TASOR2: variants seen among roughly 807,000 people sequenced by gnomAD.
TASOR2 encodes the protein protein TASOR 2.
A neutral mutation model predicts 199.5 loss-of-function variants in TASOR2; 84 were observed. The observed-to-expected ratio is 0.42, with a 90% CI of 0.35 to 0.50. The LOEUF is 0.50. Ranked by LOEUF, TASOR2 falls within the 20% of genes least tolerant of loss-of-function variation. The pLI is 0.02. For synonymous variants in TASOR2, 1,103 were observed against 1,046.6 expected (o/e 1.05, Z -1.04); for missense variants, 2,796 against 2,835.9 (o/e 0.99, Z 0.32).
intron 3 of TASOR2, among the ~76,000 whole-genome samples, chr10:5,718,881 A>G (rs911574882): frequency 3.3e-5 from 5 of 152,090 alleles, no homozygotes; most frequent in African/African-American, 1.2e-4. Flanking sequence ...TATGCCTACT[A>G]ATGCAGATAA....
chr10:5,747,840 G>A (rs1837432076), exon 15 of TASOR2: 2 of 1,613,718 alleles, frequency 1.2e-6, no homozygotes, highest in South Asian at 2.2e-5. Context: ...TACAACAAAT[G>A]CAGGTCTCTG....
exon 13 of TASOR2, chr10:5,739,744 C>T: frequency 6.2e-7 from 1 of 1,614,156 alleles, no homozygotes; most frequent in South Asian, 1.1e-5. Context: ...CCTGAAAACT[C>T]CATCGTCAAC....
chr10:5,714,729 G>A (rs1832392484), intron 2 of TASOR2, among the ~76,000 whole-genome samples: 1 of 152,220 alleles, frequency 6.6e-6, no homozygotes, highest in South Asian at 2.1e-4. Context: ...GAGTTGTTGA[G>A]AGGATTCAGT....
In TASOR2 at chr10:5,738,363, C is replaced by T. The variant is rs1006176984; in HGVS notation, c.1448-1255C>T. Reference sequence around the variant, plus strand: ...ACAGTATCTTTTATATTAGGCCTTACTGGTAAGTAATATTTTGTGTAAGGG... The same window carrying T: ...ACAGTATCTTTTATATTAGGCCTTATTGGTAAGTAATATTTTGTGTAAGGG... On this transcript the variant is annotated intron_variant, in intron 12 of 20. Transcript: ENST00000328090. The surrounding 1 kb of genome is among the most constrained non-coding windows in gnomAD (Gnocchi z 4.7). Among the ~76,000 whole-genome samples, 15 of 151,990 alleles carry T rather than the reference C, an allele frequency of 9.9e-5. No individual in the cohort carries two copies. Among genetic ancestry groups the T allele is most frequent in the African/African-American group, 2.7e-4 (11 of 41,356 alleles).
intron 9 of TASOR2, 42 bp downstream of exon 10, chr10:5,726,999 T>A: frequency 6.2e-7 from 1 of 1,613,298 alleles, no homozygotes; most frequent in East Asian, 2.2e-5. Flanking sequence ...TTCATTATGT[T>A]TACTTTTGCT....
rs780015314 is a variant in TASOR2 at position 5,751,731 on chromosome 10, G to A, written c.6606+1704G>A. Among the ~76,000 whole-genome samples the A allele has an allele frequency of 2.0e-5, 3 of 152,222 alleles. No homozygotes were observed. The highest frequency in any genetic ancestry group is 4.8e-5 in the African/African-American group (2 of 41,454). On this transcript the variant is annotated intron_variant, in intron 15 of 20. Transcript: ENST00000328090. This position sits in a 1 kb window ranked among gnomAD's most constrained non-coding sequence, Gnocchi z 5.3. ...TTTAGAACCACCATCTAGGCACTGC[G>A]TGAATGAACTCAGTGTCACTTGGTG...
At chr10:5,739,472 C>A (rs1209653218) in intron 12 of TASOR2, 146 bp from the exon 14 acceptor site, 1 of 723,144 alleles carries the variant, frequency 1.4e-6, no homozygotes, top group Non-Finnish European at 2.2e-6. Context: ...TTGGAAGAGA[C>A]CTTAATCTAA....
At chr10:5,721,547 T>C (rs1352770589) in intron 6 of TASOR2, among the ~76,000 whole-genome samples, 1 of 152,146 alleles carries the variant, frequency 6.6e-6, no homozygotes, top group Admixed American at 6.5e-5. Flanking sequence ...TTTTTTTTTT[T>C]CCTATCGGCC....
rs113970479 is a variant in TASOR2, at chr10:5,730,638, G to C, written c.639G>C (p.Leu213Phe). ...TAGTAAAGCGTCATTTCCAAGAATT[G>C]TACAAGGCGGACAGAAGCCCTTCAT... Residue 213 changes from leucine to phenylalanine, a missense_variant, in exon 11 of 21, where the codon TTG becomes TTC. Leu to Phe is a conservative substitution (Grantham distance 22). Around this residue, in one of 3 missense-constraint regions of TASOR2, gnomAD observed 847 missense variants for 887.4 expected, o/e 0.95. Coordinates refer to ENST00000328090, the Ensembl canonical transcript of TASOR2. This position sits in a 1 kb window ranked among gnomAD's most constrained non-coding sequence, Gnocchi z 4.1. 20 of 1,614,170 alleles carry C rather than the reference G, an allele frequency of 1.2e-5. No homozygotes were observed. The highest frequency in any genetic ancestry group is 1.1e-4 in the African/African-American group (8 of 75,042).
intron 14 of TASOR2, among the ~76,000 whole-genome samples, chr10:5,743,479 G>C (rs1378216490): frequency 6.6e-6 from 1 of 152,158 alleles, no homozygotes; most frequent in Non-Finnish European, 1.5e-5. Flanking sequence ...CGAGACTAAA[G>C]CATAGAGAAG....
intron 8 of TASOR2, among the ~76,000 whole-genome samples, chr10:5,725,631 A>C (rs1833960237): frequency 6.6e-6 from 1 of 151,592 alleles, no homozygotes; most frequent in South Asian, 2.1e-4. Flanking sequence ...TTTTTTTTAA[A>C]CTAGCCAGGC....
At chr10:5,718,791 T>A (rs989176656) in intron 3 of TASOR2, among the ~76,000 whole-genome samples, 2 of 146,984 alleles carry the variant, frequency 1.4e-5, no homozygotes, top group East Asian at 2.0e-4. Flanking sequence ...GGTGGGGGAG[T>A]AACATTGCTT....
intron 9 of TASOR2, 27 bp downstream of exon 10, chr10:5,726,984 T>C (rs762216619): frequency 1.2e-6 from 2 of 1,613,230 alleles, no homozygotes; most frequent in Admixed American, 1.7e-5. Context: ...TGGGAAAAAA[T>C]ATTTTTCATT....
chr10:5,747,399 G>A (rs750528857), exon 15 of TASOR2: 9 of 1,614,018 alleles, frequency 5.6e-6, no homozygotes, highest in African/African-American at 2.7e-5. Flanking sequence ...TAGGTGAACC[G>A]GAAGAGGTGG....
intron 11 of TASOR2, among the ~76,000 whole-genome samples, chr10:5,733,165 A>G (rs1278465314): frequency 6.6e-6 from 1 of 151,742 alleles, no homozygotes; most frequent in Admixed American, 6.6e-5. Flanking sequence ...CAAAAATTTC[A>G]AAAAAAAATT....
Position 5,698,351 on chromosome 10 carries a change from T to C in TASOR2, c.-288+13176T>C, listed in dbSNP as rs895403665. Among the ~76,000 whole-genome samples the C allele has an allele frequency of 5.9e-5, 9 of 152,222 alleles. No homozygotes were observed. Among genetic ancestry groups the C allele is most frequent in the Admixed American group, 3.9e-4 (6 of 15,296 alleles). On this transcript the variant is annotated intron_variant, in intron 1 of 20. Transcript: ENST00000328090. This position sits in a 1 kb window ranked among gnomAD's most constrained non-coding sequence, Gnocchi z 4.4. ...GAATTCAATGAACACTGTAGAGATG[T>C]GAGTGATAAAAAAATGATTGTGGTT... is the stretch of plus-strand genomic sequence containing the variant.
intron 14 of TASOR2, among the ~76,000 whole-genome samples, chr10:5,743,541 C>T (rs182701743): frequency 2.7e-4 from 41 of 152,240 alleles, no homozygotes; most frequent in Non-Finnish European, 5.0e-4. Context: ...AGATTCCAGT[C>T]TAGAAAACCT....
At chr10:5,746,108 A>G in intron 14 of TASOR2, 71 bp from the exon 16 acceptor site, 1 of 1,435,088 alleles carries the variant, frequency 7.0e-7, no homozygotes, top group African/African-American at 1.4e-5. Flanking sequence ...TGTTCTTCAC[A>G]TGTACATATA....
chr10:5,758,138 C>G (rs1772437811), intron 17 of TASOR2, among the ~76,000 whole-genome samples: 1 of 152,166 alleles, frequency 6.6e-6, no homozygotes, highest in Admixed American at 6.5e-5. Flanking sequence ...CTTTACTTCT[C>G]TCAGGGCACT....
Sources: gnomAD v4.1 joint callset for allele counts (sites outside exome capture counted in the v4.1 genomes callset) on GRCh38, gnomAD v4.1.1 for gene constraint, gnomAD v4.1.1 regional missense constraint, Gnocchi (gnomAD v3.1) non-coding constraint, MANE v1.5 for transcripts, NCBI Gene and HGNC (gene_info 2026-07-23, HGNC 2026-07-21) for gene names.